The following DOCK5 variants were observed in gnomAD, a reference collection of about 807,000 sequenced individuals.
DOCK5 encodes dedicator of cytokinesis 5, also known as dedicator of cytokinesis protein 5.
In DOCK5, 142 loss-of-function variants were observed where a neutral mutation model predicts 251.8. The observed-to-expected ratio is 0.56, with a 90% CI of 0.49 to 0.65. The LOEUF is 0.65. Ranked by LOEUF, DOCK5 falls within the 30% of genes least tolerant of loss-of-function variation. The probability of loss-of-function intolerance (pLI) is 0.00; values close to 1 mark genes in which losing one functional copy is unlikely to be tolerated. For missense variants in DOCK5, 2,111 were observed against 2,312.3 expected (o/e 0.91, Z 1.79); for synonymous variants, 842 against 835.5 (o/e 1.01, Z -0.13).
At chr8:25,410,972 T>TGTGTGTGTGTGTGCGC (rs1331552371) in intron 51 of DOCK5, among the ~76,000 whole-genome samples, 19 of 19,190 alleles carry the variant, frequency 9.9e-4, no homozygotes, top group Admixed American at 4.3e-3. Context: ...TGTGTGTGTG[T>TGTGTGTGTGTGTGCGC]GCGCGCGCGC....
chr8:25,217,294 A>G (rs536733613), intron 1 of DOCK5, among the ~76,000 whole-genome samples: 1 of 151,508 alleles, frequency 6.6e-6, no homozygotes, highest in Admixed American at 6.6e-5. Flanking sequence ...TATACACACA[A>G]TATCATATTA....
chr8:25,360,034 C>T lies in DOCK5; in HGVS notation c.2949+973C>T, dbSNP rs556382219. ...GACAGGATGTGCCGCTGGATTAGCA[C>T]ACTGTTGTCATGTTGACACTAGTCT... On this transcript the variant is annotated intron_variant, in intron 28 of 51. Coordinates refer to ENST00000276440, the MANE Select transcript of DOCK5 (RefSeq NM_024940.8). Among the ~76,000 whole-genome samples the T allele has an allele frequency of 2.6e-5, 4 of 152,330 alleles. No individual in the cohort carries two copies. The East Asian group carries it at 7.7e-4, about 29-fold the overall frequency.
chr8:25,361,819 GC>G (rs1296328464), intron 28 of DOCK5, among the ~76,000 whole-genome samples: 7 of 152,096 alleles, frequency 4.6e-5, no homozygotes, highest in African/African-American at 1.7e-4. Flanking sequence ...AAGTTACCCA[GC>G]TTGACCAGCA....
At chr8:25,394,478 T>A (rs2709646) in intron 44 of DOCK5, among the ~76,000 whole-genome samples, 5 of 151,784 alleles carry the variant, frequency 3.3e-5, no homozygotes, top group South Asian at 2.1e-4. Flanking sequence ...CTATTATTTC[T>A]GACTTCTGAT....
rs1204107087 is a variant in DOCK5 at position 25,250,425 on chromosome 8, ACAGT to A, written c.127+6671_127+6674del. 2.0e-5 allele frequency among the ~76,000 whole-genome samples: 3 copies of A among 152,302 alleles called. No homozygotes were observed. The East Asian group carries it at 5.8e-4, about 29-fold the overall frequency. On this transcript the variant is annotated intron_variant, in intron 2 of 51. Transcript: ENST00000276440. ...CTTCATCTTTGGCACTGGCTTGCCC[ACAGT>A]CATTTTTGTGTCTTTGCTTCTTTTA...
At chr8:25,210,062 G>C (rs1431329277) in intron 1 of DOCK5, among the ~76,000 whole-genome samples, 2 of 25,722 alleles carry the variant, frequency 7.8e-5, no homozygotes, top group African/African-American at 2.6e-4. Flanking sequence ...GTGTGTGTGT[G>C]TGTGTGTATC....
intron 3 of DOCK5, among the ~76,000 whole-genome samples, chr8:25,274,610 T>A (rs1323529658): frequency 6.6e-6 from 1 of 152,202 alleles, no homozygotes; most frequent in African/African-American, 2.4e-5. Context: ...GATGTAGAAC[T>A]GCCTCTTAGG....
At chr8:25,346,009 C>T (rs1800359963) in intron 26 of DOCK5, among the ~76,000 whole-genome samples, 1 of 152,172 alleles carries the variant, frequency 6.6e-6, no homozygotes, top group Non-Finnish European at 1.5e-5. Context: ...GCCACCACGC[C>T]CGGCTAATTT....
At chr8:25,378,794 C>T (rs185215532) in intron 38 of DOCK5, among the ~76,000 whole-genome samples, 7 of 152,296 alleles carry the variant, frequency 4.6e-5, no homozygotes, top group East Asian at 1.9e-4. Context: ...TCCACACTAT[C>T]GGGGAAACCC....
chr8:25,393,553 A>G (rs1266681845), intron 44 of DOCK5, among the ~76,000 whole-genome samples: 1 of 152,162 alleles, frequency 6.6e-6, no homozygotes, highest in African/African-American at 2.4e-5. Flanking sequence ...ATCTGTTGGA[A>G]CCATACTGTT....
chr8:25,185,085 C>G, intron 1 of DOCK5, 134 bp downstream of exon 1: 1 of 1,072,406 alleles, frequency 9.3e-7, no homozygotes, highest in South Asian at 4.2e-5. Flanking sequence ...GCTCTGGGAG[C>G]CGGGGACGGT....
intron 45 of DOCK5, among the ~76,000 whole-genome samples, chr8:25,396,121 T>G (rs763313570): frequency 3.3e-5 from 5 of 152,152 alleles, no homozygotes; most frequent in Non-Finnish European, 7.3e-5. Context: ...GGTTCACACC[T>G]GTAATCCCAG....
intron 44 of DOCK5, among the ~76,000 whole-genome samples, chr8:25,393,640 CCTAA>C (rs1801298401): frequency 6.6e-6 from 1 of 152,184 alleles, no homozygotes; most frequent in Admixed American, 6.5e-5. Flanking sequence ...AATTTCTGCA[CCTAA>C]CTAACTCCCA....
intron 1 of DOCK5, among the ~76,000 whole-genome samples, chr8:25,194,041 T>C (rs1801653333): frequency 6.6e-6 from 1 of 151,652 alleles, no homozygotes; most frequent in African/African-American, 2.4e-5. Flanking sequence ...ATACCAGCAC[T>C]TTGGGAGGCT....
At chr8:25,300,185 C>T (rs563546247) in intron 8 of DOCK5, among the ~76,000 whole-genome samples, 155 of 152,336 alleles carry the variant, frequency 1.0e-3, no homozygotes, top group African/African-American at 3.5e-3. Flanking sequence ...GGATTACAGG[C>T]GTGAGCCACT....
intron 1 of DOCK5, among the ~76,000 whole-genome samples, chr8:25,234,101 T>A (rs73673869): frequency 0.098 from 14,862 of 152,300 alleles, 2,013 homozygotes; most frequent in African/African-American, 0.31. Flanking sequence ...TTTTAGGTTG[T>A]TATTGTCAAA....
At chr8:25,291,119 G>A (rs1258289924) in intron 5 of DOCK5, among the ~76,000 whole-genome samples, 2 of 152,128 alleles carry the variant, frequency 1.3e-5, no homozygotes, top group African/African-American at 4.8e-5. Flanking sequence ...TCAAGATATG[G>A]AAGGATCAAG....
chr8:25,307,334 G>T (rs1426002668), intron 11 of DOCK5, among the ~76,000 whole-genome samples: 1 of 151,996 alleles, frequency 6.6e-6, no homozygotes, highest in Admixed American at 6.6e-5. Flanking sequence ...GGTCAGGCTT[G>T]TGTCAAACTC....
intron 25 of DOCK5, among the ~76,000 whole-genome samples, chr8:25,342,956 C>T (rs545602641): frequency 1.3e-5 from 2 of 152,004 alleles, no homozygotes; most frequent in South Asian, 2.1e-4. Context: ...CCACCCGCCT[C>T]GGCCTCCCAA....
Sources: gnomAD v4.1 joint callset for allele counts (sites outside exome capture counted in the v4.1 genomes callset) on GRCh38, gnomAD v4.1.1 for gene constraint, MANE v1.5 for transcripts, NCBI Gene and HGNC (gene_info 2026-07-23, HGNC 2026-07-21) for gene names.